The following HLA-DPA1 variants were observed in gnomAD, a reference collection of about 807,000 sequenced individuals.
HLA-DPA1 encodes HLA class II histocompatibility antigen, DP alpha 1 chain.
HLA-DPA1 carries 20 observed loss-of-function variants against 21.5 expected under a neutral mutation model. That is an observed-to-expected ratio of 0.93 (90% CI 0.66 to 1.35). HLA-DPA1 has a LOEUF of 1.35. Ranked by LOEUF, HLA-DPA1 falls within the 40% of genes most tolerant of loss-of-function variation. The pLI, the probability that HLA-DPA1 is intolerant of heterozygous loss-of-function variation, is 0.00. For synonymous variants in HLA-DPA1, 123 were observed against 129.6 expected (o/e 0.95, Z 0.35); for missense variants, 279 against 323.0 (o/e 0.86, Z 1.05).
rs536111967 is a variant in HLA-DPA1 at position 33,076,068 on chromosome 6, C to T, written c.-99-2399G>A. ...TGATGGTTCTGCAGGTTTCTGCGGC[C>T]CCCCGGACAGTGGCTCTGACGGCGT... On this transcript the variant is annotated intron_variant, in intron 1 of 5. Coordinates refer to ENST00000419277, the Ensembl canonical transcript of HLA-DPA1. 2.5e-6 allele frequency: 4 copies of T among 1,612,546 alleles called. No homozygotes were observed. In the South Asian group the frequency reaches 4.4e-5, roughly 18 times the overall value.
rs190019650 is a variant in HLA-DPA1, at chr6:33,074,097, C to T, written c.-99-428G>A. Among the ~76,000 whole-genome samples, 69 of 152,284 alleles carry T rather than the reference C, an allele frequency of 4.5e-4. 1 individual carries two copies. The highest frequency in any genetic ancestry group is 3.4e-3 in the Middle Eastern group (1 of 292). ...TAATCTTTCTTTCAGGTCCACCTCC[C>T]TGAGATACCTCCTTTTTATTTAATC... On this transcript the variant is annotated intron_variant, in intron 1 of 5. Coordinates refer to ENST00000419277, the Ensembl canonical transcript of HLA-DPA1.
At position 33,080,271 on chromosome 6, in the gene HLA-DPA1, G is replaced by A. The variant is rs375104050; in HGVS notation, c.-100+409C>T. 49 of 377,182 alleles carry A rather than the reference G, an allele frequency of 1.3e-4. No individual in the cohort carries two copies. The East Asian group carries it at 1.4e-3, about 11-fold the overall frequency. 23.4% of individuals were successfully genotyped at this position (377,182 alleles called of 1,614,324 possible). A position where few individuals can be genotyped will look rare whatever the true frequency, so the allele number is the denominator to read the frequency against. ...GACTGACATCAGGATGGAAATGTCA[G>A]TCAGGGAGTTAAGTAGGGGGAGCAG... On this transcript the variant is annotated intron_variant, in intron 1 of 5. Transcript: ENST00000419277. The surrounding 1 kb of genome is among the most constrained non-coding windows in gnomAD (Gnocchi z 4.3).
At chr6:33,075,937 C>T in intron 1 of HLA-DPA1, 1 of 788,804 alleles carries the variant, frequency 1.3e-6, no homozygotes, top group Non-Finnish European at 2.1e-6. Flanking sequence ...TCACAGAAGA[C>T]TACTTGGGTT....
chr6:33,078,164 G>A (rs1230345813), intron 1 of HLA-DPA1, among the ~76,000 whole-genome samples: 1 of 152,100 alleles, frequency 6.6e-6, no homozygotes, highest in African/African-American at 2.4e-5. Flanking sequence ...GGGGGCATGT[G>A]ATGCTGGGCA....
exon 2 of HLA-DPA1, chr6:33,073,572 T>A: frequency 2.5e-6 from 4 of 1,607,858 alleles, no homozygotes; most frequent in Non-Finnish European, 3.4e-6. Context: ...AGGGCGCATG[T>A]TGTGGGGTCT....
Position 33,080,688 on chromosome 6 carries a change from G to GTT in HLA-DPA1, c.-109_-108insAA. 1 of 1,612,804 alleles carries GTT rather than the reference G, an allele frequency of 6.2e-7. No individual in the cohort carries two copies. Among genetic ancestry groups the GTT allele is most frequent in the Non-Finnish European group, 8.5e-7 (1 of 1,179,510 alleles). Reference sequence around the variant, plus strand: ...TCCCCGCAGAGAATTACCTTTTCCAGGGACGGCAGGAATGCTACGCGTTTA... The same window carrying GTT: ...TCCCCGCAGAGAATTACCTTTTCCAGTTGGACGGCAGGAATGCTACGCGTTTA... On this transcript the variant is annotated 5_prime_UTR_variant, in exon 1 of 6. Transcript: ENST00000419277. The surrounding 1 kb of genome is among the most constrained non-coding windows in gnomAD (Gnocchi z 4.3).
At chr6:33,070,101 G>A (rs73739677) in intron 2 of HLA-DPA1, among the ~76,000 whole-genome samples, 37,170 of 151,468 alleles carry the variant, frequency 0.25, 5,652 homozygotes, top group East Asian at 0.67. Context: ...AGAACAAAAT[G>A]AAAAGTTTAT....
chr6:33,077,320 G>C lies in HLA-DPA1; in HGVS notation c.-100+3360C>G, dbSNP rs145809740. Among the ~76,000 whole-genome samples, 1,343 of 152,212 alleles carry C rather than the reference G, an allele frequency of 8.8e-3. 22 individuals carry two copies. Among genetic ancestry groups the C allele is most frequent in the African/African-American group, 0.031 (1,280 of 41,496 alleles). Reference sequence around the variant, plus strand: ...CATTTTCTTAATCCAGTCTATCACTGATGGACAGTTGGGTTGGTTCCAAGT... The same window carrying C: ...CATTTTCTTAATCCAGTCTATCACTCATGGACAGTTGGGTTGGTTCCAAGT... On this transcript the variant is annotated intron_variant, in intron 1 of 5. Transcript: ENST00000419277.
exon 5 of HLA-DPA1, chr6:33,068,778 C>T: frequency 4.3e-6 from 7 of 1,613,032 alleles, no homozygotes; most frequent in Non-Finnish European, 5.9e-6. Context: ...TCCGTTGTCT[C>T]AGGCATCTGG....
intron 2 of HLA-DPA1, among the ~76,000 whole-genome samples, chr6:33,071,977 G>A (rs1338845968): frequency 6.6e-6 from 1 of 152,124 alleles, no homozygotes; most frequent in East Asian, 1.9e-4. Flanking sequence ...TTAGTGGCAG[G>A]TGCAGGTTAA....
At chr6:33,069,755 C>T (rs1203697225) in exon 3 of HLA-DPA1, 4 of 1,612,552 alleles carry the variant, frequency 2.5e-6, no homozygotes, top group Non-Finnish European at 3.4e-6. Context: ...TGGCCAAACT[C>T]CTCCAGATGC....
chr6:33,080,737 A>T (rs1762801715), upstream of HLA-DPA1: 2 of 1,613,392 alleles, frequency 1.2e-6, no homozygotes, highest in African/African-American at 2.7e-5. The surrounding 1 kb of genome is among the most constrained non-coding windows in gnomAD (Gnocchi z 4.3). Flanking sequence ...CTTCCTGGAG[A>T]GATACATCTA....
At chr6:33,072,244 G>C (rs1395042150) in intron 2 of HLA-DPA1, among the ~76,000 whole-genome samples, 1 of 152,188 alleles carries the variant, frequency 6.6e-6, no homozygotes, top group Non-Finnish European at 1.5e-5. Flanking sequence ...CAAGATGAGA[G>C]GATCCTCAGG....
intron 2 of HLA-DPA1, among the ~76,000 whole-genome samples, chr6:33,072,020 G>T (rs1762305461): frequency 6.6e-6 from 1 of 152,164 alleles, no homozygotes; most frequent in African/African-American, 2.4e-5. Context: ...CCAAAAATCA[G>T]AATTGCCGAG....
chr6:33,076,480 T>C (rs2071353), intron 1 of HLA-DPA1, among the ~76,000 whole-genome samples: 42,096 of 151,988 alleles, frequency 0.28, 7,730 homozygotes, highest in East Asian at 0.67. Context: ...GGCGTGTTCA[T>C]GTCTGCATCC....
At chr6:33,072,149 A>T (rs2150362359) in intron 2 of HLA-DPA1, among the ~76,000 whole-genome samples, 1 of 152,344 alleles carries the variant, frequency 6.6e-6, no homozygotes, top group South Asian at 2.1e-4. Context: ...GAAGTGGATT[A>T]TAGTGCAAAT....
chr6:33,074,000 T>C lies in HLA-DPA1; in HGVS notation c.-99-331A>G, dbSNP rs144413832. 3.6e-3 allele frequency among the ~76,000 whole-genome samples: 548 copies of C among 152,352 alleles called. 4 individuals are homozygous for C. The highest frequency in any genetic ancestry group is 0.026 in the East Asian group (133 of 5,196). On this transcript the variant is annotated intron_variant, in intron 1 of 5. Coordinates refer to ENST00000419277, the Ensembl canonical transcript of HLA-DPA1. ...ATATTTTAAATCATGTTTTATGTTA[T>C]GTTGTCAATATTTTACAAAAATATT... is the stretch of plus-strand genomic sequence containing the variant.
chr6:33,069,651 C>T, exon 3 of HLA-DPA1: 1 of 1,612,318 alleles, frequency 6.2e-7, no homozygotes, highest in Non-Finnish European at 8.5e-7. Flanking sequence ...CGTTGGTGGC[C>T]TGAGTGTGGT....
chr6:33,074,265 G>T (rs916542337), intron 1 of HLA-DPA1, among the ~76,000 whole-genome samples: 3 of 151,960 alleles, frequency 2.0e-5, no homozygotes, highest in Non-Finnish European at 4.4e-5. Flanking sequence ...CTTAGTATTT[G>T]ATTTTTCCTG....
Sources: allele counts gnomAD v4.1 joint callset (sites outside exome capture counted in the v4.1 genomes callset), GRCh38; gene constraint gnomAD v4.1.1; non-coding constraint Gnocchi (gnomAD v3.1); transcripts MANE v1.5; gene names NCBI Gene and HGNC (gene_info 2026-07-23, HGNC 2026-07-21).